The following ACACA variants were observed in gnomAD, a reference collection of about 807,000 sequenced individuals.
ACACA encodes acetyl-CoA carboxylase 1.
In ACACA, 103 loss-of-function variants were observed where a neutral mutation model predicts 296.1. The observed-to-expected ratio is 0.35, with a 90% CI of 0.30 to 0.41. The LOEUF (loss-of-function observed/expected upper bound fraction) is 0.41, where lower values mean the gene tolerates loss of function less well. Ranked by LOEUF, ACACA falls within the 10% of genes least tolerant of loss-of-function variation. The pLI, the probability that ACACA is intolerant of heterozygous loss-of-function variation, is 1.00. For missense variants in ACACA, 1,554 were observed against 2,989.7 expected, an observed-to-expected ratio of 0.52 and a Z score of 11.20; for synonymous variants, 953 against 1,038.6, an observed-to-expected ratio of 0.92 and a Z score of 1.58.
intron 29 of ACACA, among the ~76,000 whole-genome samples, chr17:37,215,984 C>T (rs950719916): frequency 6.6e-6 from 1 of 151,642 alleles, no homozygotes; most frequent in Non-Finnish European, 1.5e-5. Context: ...CCTGAATATT[C>T]CTGCACCATG....
Position 37,248,136 on chromosome 17 carries a change from G to A in ACACA, c.2184C>T (p.Asn728=). The A allele has an allele frequency of 6.2e-7, 1 of 1,614,198 alleles. No individual in the cohort carries two copies. Among genetic ancestry groups the A allele is most frequent in the Admixed American group, 1.7e-5 (1 of 60,034 alleles). Reference sequence around the variant, plus strand: ...AGCCATTCATGATCACCACATAGGAGTTGGGGGACTGTCGAGTCACCTGTA... The same window carrying A: ...AGCCATTCATGATCACCACATAGGAATTGGGGGACTGTCGAGTCACCTGTA... ...YVLKVTRQSP[N]SYVVIMNGSC... is the part of the protein sequence containing the mutation. The change falls in exon 18 of 56, where the codon AAC becomes AAT. Residue 728 remains asparagine, a synonymous_variant. Transcript: ENST00000616317.
intron 39 of ACACA, among the ~76,000 whole-genome samples, chr17:37,182,356 T>C (rs2077358266): frequency 1.3e-5 from 2 of 151,620 alleles, no homozygotes; most frequent in South Asian, 4.2e-4. Flanking sequence ...AAAAAACATA[T>C]ATATATATAT....
intron 1 of ACACA, chr17:37,391,751 AATGAT>A (rs1568098424): frequency 6.3e-7 from 1 of 1,576,654 alleles, no homozygotes. Flanking sequence ...TCAAAGACTG[AATGAT>A]ACTACACAGT....
intron 16 of ACACA, among the ~76,000 whole-genome samples, chr17:37,250,595 G>A (rs2080939450): frequency 6.6e-6 from 1 of 151,942 alleles, no homozygotes; most frequent in Non-Finnish European, 1.5e-5. Flanking sequence ...CAGAGATCAC[G>A]CCACTGCACT....
chr17:37,112,921 C>T (rs1395342991), intron 51 of ACACA, among the ~76,000 whole-genome samples, 167 bp downstream of exon 51: 4 of 152,154 alleles, frequency 2.6e-5, no homozygotes, highest in Non-Finnish European at 5.9e-5. Context: ...TCTTCAGCTT[C>T]CTGAAATGCT....
intron 45 of ACACA, among the ~76,000 whole-genome samples, chr17:37,139,420 A>G (rs2075468956): frequency 6.6e-6 from 1 of 152,236 alleles, no homozygotes; most frequent in Non-Finnish European, 1.5e-5. Context: ...ATGAAGGTCC[A>G]CATGGATGAA....
At chr17:37,247,136 T>C (rs78799771) in intron 18 of ACACA, among the ~76,000 whole-genome samples, 160 bp from the exon 19 acceptor site, 1 of 152,124 alleles carries the variant, frequency 6.6e-6, no homozygotes, top group African/African-American at 2.4e-5. Flanking sequence ...TCAATTAACA[T>C]AAATTTCCTT....
At chr17:37,327,937 G>A (rs1175326833) in intron 3 of ACACA, among the ~76,000 whole-genome samples, 1 of 152,134 alleles carries the variant, frequency 6.6e-6, no homozygotes, top group East Asian at 1.9e-4. Context: ...CCTCAAGAGA[G>A]AAGAATGCCA....
intron 3 of ACACA, among the ~76,000 whole-genome samples, chr17:37,312,874 T>A (rs2084228052): frequency 2.0e-5 from 3 of 151,920 alleles, no homozygotes. Context: ...AAAAAAAATT[T>A]TTAAAGAAAC....
At chr17:37,403,152 G>A (rs1356770335) in intron 1 of ACACA, among the ~76,000 whole-genome samples, 3 of 152,214 alleles carry the variant, frequency 2.0e-5, no homozygotes, top group Non-Finnish European at 4.4e-5. Flanking sequence ...CACCTCCAAT[G>A]AGCTGTAGAC....
chr17:37,322,021 G>A (rs989457724), intron 3 of ACACA, among the ~76,000 whole-genome samples: 9 of 151,942 alleles, frequency 5.9e-5, no homozygotes, highest in Non-Finnish European at 1.3e-4. Flanking sequence ...AGTATCATGG[G>A]AGAAACTTTA....
At chr17:37,119,434 C>T (rs77803128) in intron 50 of ACACA, among the ~76,000 whole-genome samples, 1,831 of 152,156 alleles carry the variant, frequency 0.012, 44 homozygotes, top group African/African-American at 0.04. Context: ...GGTATTTCCA[C>T]TAATTTATTA....
chr17:37,358,927 G>T, intron 1 of ACACA: 1 of 985,608 alleles, frequency 1.0e-6, no homozygotes, highest in Non-Finnish European at 1.2e-6. Flanking sequence ...CCCCCTGCCT[G>T]CCGCCGCCCC....
chr17:37,398,974 T>G (rs894119314), intron 1 of ACACA, among the ~76,000 whole-genome samples: 17 of 142,934 alleles, frequency 1.2e-4, no homozygotes, highest in African/African-American at 4.1e-4. Context: ...AGATAATAAC[T>G]TCCCTAAATT....
intron 45 of ACACA, among the ~76,000 whole-genome samples, chr17:37,147,103 A>G (rs889563153): frequency 1.4e-4 from 21 of 152,074 alleles, no homozygotes; most frequent in African/African-American, 4.6e-4. Context: ...CTTCACCCCA[A>G]TGTTTAACAT....
intron 1 of ACACA, among the ~76,000 whole-genome samples, chr17:37,362,452 C>A (rs1439297831): frequency 6.6e-6 from 1 of 152,076 alleles, no homozygotes; most frequent in Non-Finnish European, 1.5e-5. Flanking sequence ...ACAAAACTAG[C>A]ACATTAAAAC....
rs11454831 is a variant in ACACA at position 37,229,143 on chromosome 17, CAAAA to C, written c.3247-2695_3247-2692del. ...TGGGCAACAGAGCGAGACTCCGTCT[CAAAA>C]AAAAAAAAAAAGCACACTAATCACC... On this transcript the variant is annotated intron_variant, in intron 25 of 55. Coordinates refer to ENST00000616317, the MANE Select transcript of ACACA (RefSeq NM_198834.3). Among the ~76,000 whole-genome samples the C allele has an allele frequency of 3.8e-3, 403 of 106,208 alleles. 2 individuals carry two copies. Among genetic ancestry groups the C allele is most frequent in the African/African-American group, 0.012 (382 of 32,140 alleles). 69.7% of individuals were successfully genotyped at this position (106,208 alleles called of 152,430 possible). A position where few individuals can be genotyped will look rare whatever the true frequency, so the allele number is the denominator to read the frequency against.
In ACACA at chr17:37,290,158, G is replaced by T. The variant is rs140420533; in HGVS notation, c.339-5188C>A. 3.3e-5 allele frequency among the ~76,000 whole-genome samples: 5 copies of T among 151,990 alleles called. No individual in the cohort carries two copies. The East Asian group carries it at 9.7e-4, about 29-fold the overall frequency. ...CGCCTCCCAGGTTCAAGCGATTCTT[G>T]TGCCTCAGCCTCCCAAGTAGCTGGA... is the stretch of plus-strand genomic sequence containing the variant. On this transcript the variant is annotated intron_variant, in intron 3 of 55. Transcript: ENST00000616317.
At chr17:37,126,226 G>A (rs2074778760) in intron 47 of ACACA, among the ~76,000 whole-genome samples, 1 of 152,122 alleles carries the variant, frequency 6.6e-6, no homozygotes, top group South Asian at 2.1e-4. Flanking sequence ...TTTAACTGAA[G>A]GCTAAAAACA....
Sources: gnomAD v4.1 joint callset for allele counts (sites outside exome capture counted in the v4.1 genomes callset) on GRCh38, gnomAD v4.1.1 for gene constraint, MANE v1.5 for transcripts, NCBI Gene and HGNC (gene_info 2026-07-23, HGNC 2026-07-21) for gene names.